Variants in ETV1 observed in about 807,000 individuals in gnomAD.
ETV1 encodes the protein ETS variant transcription factor 1.
Under a neutral mutation model 62.3 loss-of-function variants are expected in ETV1, and 27 were observed. The observed-to-expected ratio is 0.43, with a 90% confidence interval of 0.32 to 0.60. The LOEUF is 0.60. ETV1 is among the 20% of genes least tolerant of loss of function. The pLI, the probability that ETV1 is intolerant of heterozygous loss-of-function variation, is 0.06. For synonymous variants in ETV1, 222 were observed against 199.6 expected (o/e 1.11, Z -0.94); for missense variants, 605 against 605.8 (o/e 1.00, Z 0.01).
intron 5 of ETV1, among the ~76,000 whole-genome samples, chr7:13,978,647 A>G (rs1330377636): frequency 6.6e-6 from 1 of 152,004 alleles, no homozygotes; most frequent in East Asian, 1.9e-4. Context: ...TCTCTTTTGA[A>G]AATGCTTCAG....
chr7:13,909,290 TG>T (rs1783309623), intron 11 of ETV1, among the ~76,000 whole-genome samples: 1 of 152,154 alleles, frequency 6.6e-6, no homozygotes. Flanking sequence ...TGCTCTGCTT[TG>T]TTAATTACAG....
At chr7:13,957,144 G>A (rs1419710993) in intron 6 of ETV1, among the ~76,000 whole-genome samples, 9 of 151,866 alleles carry the variant, frequency 5.9e-5, no homozygotes, top group Admixed American at 5.9e-4. Flanking sequence ...GGAGTGCAGT[G>A]GCGCGATCTC....
chr7:13,911,054 T>C (rs1783508802), intron 10 of ETV1, among the ~76,000 whole-genome samples, 185 bp downstream of exon 10: 1 of 152,232 alleles, frequency 6.6e-6, no homozygotes, highest in Non-Finnish European at 1.5e-5. Context: ...TGACTCATGT[T>C]AACAACAAGA....
Position 13,939,229 on chromosome 7 carries a change from G to A in ETV1, c.253C>T (p.Pro85Ser), listed in dbSNP as rs1302857335. The A allele has an allele frequency of 1.9e-6, 3 of 1,605,576 alleles. No individual in the cohort carries two copies. Among genetic ancestry groups the A allele is most frequent in the Non-Finnish European group, 2.5e-6 (3 of 1,178,014 alleles). The change falls in exon 7 of 14, where the codon CCA (proline) becomes TCA (serine). Residue 85 changes from proline (P) to serine (S), a missense_variant. Pro to Ser is a moderately conservative substitution (Grantham distance 74). Around this residue, in one of 3 missense-constraint regions of ETV1, gnomAD observed 426 missense variants for 377.8 expected, o/e 1.13. Transcript: ENST00000430479. ...QAESLAFHGL[P>S]LKIKKEPHSP... ...TGGGGTTCTTTCTTGATTTTCAGTG[G>A]CAGGCCATGAAAAGCCACTAGAAAA...
intron 6 of ETV1, among the ~76,000 whole-genome samples, chr7:13,973,829 C>A (rs1781141153): frequency 6.6e-6 from 1 of 152,104 alleles, no homozygotes; most frequent in South Asian, 2.1e-4. Context: ...ATAGTTTCGG[C>A]AAGTTTTCCC....
At chr7:13,942,914 T>C (rs1230677258) in intron 6 of ETV1, among the ~76,000 whole-genome samples, 1 of 152,016 alleles carries the variant, frequency 6.6e-6, no homozygotes, top group African/African-American at 2.4e-5. Context: ...TTGAGTACCA[T>C]GAAGTAGGAA....
chr7:13,954,300 A>G (rs1308054200), intron 6 of ETV1, among the ~76,000 whole-genome samples: 1 of 152,212 alleles, frequency 6.6e-6, no homozygotes, highest in Non-Finnish European at 1.5e-5. Flanking sequence ...GAGCAGTATA[A>G]TTCTAAATTT....
chr7:13,988,218 G>A (rs1562726502), intron 3 of ETV1, 45 bp from the exon 4 acceptor site: 1 of 1,269,122 alleles, frequency 7.9e-7, no homozygotes. Flanking sequence ...GTAAACCTCA[G>A]ATCACACACA....
At chr7:13,973,398 C>T (rs1781094472) in intron 6 of ETV1, among the ~76,000 whole-genome samples, 1 of 152,108 alleles carries the variant, frequency 6.6e-6, no homozygotes, top group Non-Finnish European at 1.5e-5. Context: ...CTAAGCATAC[C>T]CAGACGCACG....
intron 8 of ETV1, among the ~76,000 whole-genome samples, chr7:13,932,353 A>G (rs1359699464): frequency 6.6e-6 from 1 of 152,126 alleles, no homozygotes; most frequent in Non-Finnish European, 1.5e-5. Context: ...TATTATAAGG[A>G]CTCAAACCCA....
At chr7:13,982,362 G>A (rs990944055) in intron 5 of ETV1, among the ~76,000 whole-genome samples, 1 of 151,862 alleles carries the variant, frequency 6.6e-6, no homozygotes, top group Non-Finnish European at 1.5e-5. Flanking sequence ...AAATAGAAAA[G>A]CTTAGCAATA....
In ETV1 at chr7:13,904,486, C is replaced by A. The variant is rs1001410812; in HGVS notation, c.1110+1944G>T. 5.9e-5 allele frequency among the ~76,000 whole-genome samples: 9 copies of A among 152,270 alleles called. No homozygotes were observed. The East Asian group carries it at 1.7e-3, about 29-fold the overall frequency. On this transcript the variant is annotated intron_variant, in intron 12 of 13. Coordinates refer to ENST00000430479, the MANE Select transcript of ETV1 (RefSeq NM_004956.5). Reference sequence around the variant, plus strand: ...AATCTCCTACTTACTCAAATCTGAACATCATAAAAGTCAACAGTTGCTATA... The same window carrying A: ...AATCTCCTACTTACTCAAATCTGAAAATCATAAAAGTCAACAGTTGCTATA...
At chr7:13,904,602 A>G (rs1427672746) in intron 12 of ETV1, among the ~76,000 whole-genome samples, 1 of 152,140 alleles carries the variant, frequency 6.6e-6, no homozygotes, top group Non-Finnish European at 1.5e-5. Context: ...CTATCTTAAC[A>G]AATATATGGC....
chr7:13,960,679 C>G (rs1002603685), intron 6 of ETV1, among the ~76,000 whole-genome samples: 32 of 152,090 alleles, frequency 2.1e-4, no homozygotes, highest in African/African-American at 7.7e-4. Context: ...GAGCTTATAG[C>G]TACTTTAAGA....
intron 12 of ETV1, among the ~76,000 whole-genome samples, chr7:13,903,081 A>G (rs1782597083): frequency 6.6e-6 from 1 of 152,174 alleles, no homozygotes. Context: ...CAGCCTTCAC[A>G]TACGACCGAC....
intron 9 of ETV1, among the ~76,000 whole-genome samples, chr7:13,916,906 T>G (rs140944545): frequency 0.011 from 1,642 of 147,584 alleles, 14 homozygotes; most frequent in Admixed American, 0.021. Flanking sequence ...CACTCCAACC[T>G]AGGCAACAGA....
At chr7:13,913,393 T>A (rs560535303) in intron 9 of ETV1, among the ~76,000 whole-genome samples, 1 of 152,190 alleles carries the variant, frequency 6.6e-6, no homozygotes, top group Non-Finnish European at 1.5e-5. Context: ...AGTTCTGACA[T>A]TGCATGGGAG....
chr7:13,978,431 G>C (rs559461689), intron 5 of ETV1, among the ~76,000 whole-genome samples: 1 of 151,592 alleles, frequency 6.6e-6, no homozygotes, highest in South Asian at 2.1e-4. Context: ...CCAAAAAATA[G>C]AAGTTAGGTT....
intron 6 of ETV1, among the ~76,000 whole-genome samples, chr7:13,947,601 C>T (rs184277951): frequency 1.6e-3 from 245 of 152,180 alleles, no homozygotes; most frequent in African/African-American, 5.3e-3. Context: ...GAATTAGAGC[C>T]CTGGGCTCAA....
Sources: allele counts gnomAD v4.1 joint callset (sites outside exome capture counted in the v4.1 genomes callset), GRCh38; gene constraint gnomAD v4.1.1; regional missense constraint gnomAD v4.1.1; transcripts MANE v1.5; gene names NCBI Gene and HGNC (gene_info 2026-07-23, HGNC 2026-07-21).